GALNTL6: variants seen among roughly 807,000 people sequenced by gnomAD.
GALNTL6 encodes polypeptide N-acetylgalactosaminyltransferase like 6.
GALNTL6 carries 46 observed loss-of-function variants against 73.7 expected under a neutral mutation model. The ratio of observed to expected loss-of-function variants is 0.62; its 90% CI spans 0.49 to 0.80. The LOEUF is 0.80. GALNTL6 is among the 30% of genes least tolerant of loss of function. GALNTL6 has a pLI of 0.00. For missense variants in GALNTL6, 604 were observed against 755.0 expected, an observed-to-expected ratio of 0.80 and a Z score of 2.34; for synonymous variants, 259 against 263.7, an observed-to-expected ratio of 0.98 and a Z score of 0.17.
intron 10 of GALNTL6, among the ~76,000 whole-genome samples, chr4:172,979,560 A>G (rs184674460): frequency 1.3e-4 from 20 of 152,318 alleles, no homozygotes; most frequent in Admixed American, 1.3e-3. Context: ...CTTTTCAAAT[A>G]CTATTTCCTC....
At chr4:172,891,345 G>T (rs1484192513) in intron 8 of GALNTL6, among the ~76,000 whole-genome samples, 1 of 152,006 alleles carries the variant, frequency 6.6e-6, no homozygotes, top group Admixed American at 6.6e-5. Context: ...AACATCTTTT[G>T]TAAGGCAGGT....
chr4:173,009,732 A>G (rs1159228028), intron 11 of GALNTL6, among the ~76,000 whole-genome samples: 2 of 152,214 alleles, frequency 1.3e-5, no homozygotes, highest in Non-Finnish European at 2.9e-5. Flanking sequence ...AGATCACTTT[A>G]CATGGGCCTC....
chr4:172,079,889 A>G (rs1220744814), intron 2 of GALNTL6, among the ~76,000 whole-genome samples: 1 of 151,990 alleles, frequency 6.6e-6, no homozygotes, highest in Non-Finnish European at 1.5e-5. Context: ...TTTGATTGAT[A>G]CTAGTTTTCT....
At chr4:172,682,624 T>A (rs1231262000) in intron 5 of GALNTL6, among the ~76,000 whole-genome samples, 1 of 152,176 alleles carries the variant, frequency 6.6e-6, no homozygotes, top group Non-Finnish European at 1.5e-5. Flanking sequence ...ATTTGCTAAA[T>A]TTGGCCATCC....
At chr4:172,473,156 C>T (rs1733113730) in intron 5 of GALNTL6, among the ~76,000 whole-genome samples, 2 of 152,154 alleles carry the variant, frequency 1.3e-5, no homozygotes, top group African/African-American at 4.8e-5. Context: ...ACTATGTGTG[C>T]TACCATTGAA....
chr4:172,365,775 A>C (rs964892618), intron 5 of GALNTL6, among the ~76,000 whole-genome samples: 9 of 152,156 alleles, frequency 5.9e-5, no homozygotes, highest in African/African-American at 1.4e-4. Context: ...TAAGGACAAA[A>C]GGTCCTAGAG....
At chr4:172,270,747 A>T (rs886142339) in intron 3 of GALNTL6, among the ~76,000 whole-genome samples, 37 of 152,164 alleles carry the variant, frequency 2.4e-4, no homozygotes, top group Admixed American at 2.0e-3. Context: ...AGATAGATAG[A>T]TAGATGATAG....
At chr4:172,616,855 C>T (rs935127626) in intron 5 of GALNTL6, among the ~76,000 whole-genome samples, 1 of 152,062 alleles carries the variant, frequency 6.6e-6, no homozygotes, top group Non-Finnish European at 1.5e-5. Flanking sequence ...ACACAGGTCT[C>T]CACCTTTCAA....
intron 5 of GALNTL6, among the ~76,000 whole-genome samples, chr4:172,753,331 A>G (rs1163258753): frequency 1.3e-5 from 2 of 152,226 alleles, no homozygotes; most frequent in Non-Finnish European, 2.9e-5. Flanking sequence ...TAAATTACCC[A>G]GTCTCAGGTA....
intron 10 of GALNTL6, among the ~76,000 whole-genome samples, chr4:172,954,792 A>C (rs1277568825): frequency 6.6e-6 from 1 of 152,044 alleles, no homozygotes; most frequent in Admixed American, 6.6e-5. Context: ...CTTTTTTAAC[A>C]CAAATGGCAA....
chr4:171,929,395 T>C (rs1738103290), intron 2 of GALNTL6, among the ~76,000 whole-genome samples: 1 of 152,122 alleles, frequency 6.6e-6, no homozygotes, highest in Non-Finnish European at 1.5e-5. Flanking sequence ...CTTACAATCG[T>C]TTAAACATTA....
At chr4:172,714,033 A>G (rs1734894305) in intron 5 of GALNTL6, among the ~76,000 whole-genome samples, 1 of 152,174 alleles carries the variant, frequency 6.6e-6, no homozygotes, top group Non-Finnish European at 1.5e-5. Flanking sequence ...CCTGGTCAAC[A>G]TGGTGAAACC....
chr4:172,385,031 T>G (rs935212032), intron 5 of GALNTL6, among the ~76,000 whole-genome samples: 4 of 150,296 alleles, frequency 2.7e-5, no homozygotes, highest in African/African-American at 7.3e-5. Context: ...TTTTTTTGTT[T>G]TTTTTTTTTT....
chr4:172,240,952 T>G (rs1296277515), intron 3 of GALNTL6, among the ~76,000 whole-genome samples: 3 of 152,222 alleles, frequency 2.0e-5, no homozygotes, highest in African/African-American at 7.2e-5. Context: ...GTGCTGGTTC[T>G]TTTTCACCTG....
At position 172,809,938 on chromosome 4, in the gene GALNTL6, C is replaced by T. The variant is rs1160818920; in HGVS notation, c.739+392C>T. On this transcript the variant is annotated intron_variant, in intron 6 of 12. Transcript: ENST00000506823. This position sits in a 1 kb window ranked among gnomAD's most constrained non-coding sequence, Gnocchi z 4.4. ...ACACACACACACACACACACACACA[C>T]ACACACACACACATTGAACAAGTAT... Among the ~76,000 whole-genome samples the T allele has an allele frequency of 6.6e-6, 1 of 151,902 alleles. No individual in the cohort carries two copies. Among genetic ancestry groups the T allele is most frequent in the Non-Finnish European group, 1.5e-5 (1 of 67,956 alleles).
intron 2 of GALNTL6, among the ~76,000 whole-genome samples, chr4:172,199,150 G>A (rs1400039594): frequency 6.6e-6 from 1 of 152,160 alleles, no homozygotes; most frequent in Admixed American, 6.5e-5. Context: ...GTCCCATAGA[G>A]TAAGCATTTC....
At chr4:172,685,352 T>A (rs1460984356) in intron 5 of GALNTL6, among the ~76,000 whole-genome samples, 2 of 152,216 alleles carry the variant, frequency 1.3e-5, no homozygotes, top group Non-Finnish European at 2.9e-5. Flanking sequence ...ACATAATTGC[T>A]AATATTATAT....
At chr4:172,492,663 T>G (rs1327153296) in intron 5 of GALNTL6, among the ~76,000 whole-genome samples, 1 of 152,158 alleles carries the variant, frequency 6.6e-6, no homozygotes, top group Non-Finnish European at 1.5e-5. Flanking sequence ...TTACTGAATG[T>G]GCAGTCATGG....
chr4:172,114,499 ACAG>A (rs940548206), intron 2 of GALNTL6, among the ~76,000 whole-genome samples: 4 of 152,102 alleles, frequency 2.6e-5, no homozygotes, highest in African/African-American at 9.7e-5. Flanking sequence ...TTGTCAACTT[ACAG>A]CTTTGACAAT....
Sources: allele counts gnomAD v4.1 joint callset (sites outside exome capture counted in the v4.1 genomes callset), GRCh38; gene constraint gnomAD v4.1.1; non-coding constraint Gnocchi (gnomAD v3.1); transcripts MANE v1.5; gene names NCBI Gene and HGNC (gene_info 2026-07-23, HGNC 2026-07-21).